The following DISC1 variants were observed in gnomAD, a reference collection of about 807,000 sequenced individuals.
The protein encoded by DISC1 is disrupted in schizophrenia 1 protein.
Under a neutral mutation model 84.5 loss-of-function variants are expected in DISC1, and 57 were observed. The ratio of observed to expected loss-of-function variants is 0.67; its 90% CI spans 0.55 to 0.84. The LOEUF (loss-of-function observed/expected upper bound fraction) is 0.84. Among genes scored for constraint, DISC1 ranks in the 40% least tolerant of loss-of-function variants. The probability of loss-of-function intolerance (pLI) is 0.00; values close to 1 mark genes in which losing one functional copy is unlikely to be tolerated. For missense variants in DISC1, 1,000 were observed against 1,057.8 expected, an observed-to-expected ratio of 0.95 and a Z score of 0.76; for synonymous variants, 411 against 415.2, an observed-to-expected ratio of 0.99 and a Z score of 0.12.
rs1050015387 is a variant in DISC1 at position 231,675,934 on chromosome 1, C to T, written c.68-17892C>T. Reference sequence around the variant, plus strand: ...TGTGATCTCGGGTCACTGCAACCTCCGCCTCCCGGGTTCAAGCAATTCTCC... The same window carrying T: ...TGTGATCTCGGGTCACTGCAACCTCTGCCTCCCGGGTTCAAGCAATTCTCC... On this transcript the variant is annotated intron_variant, in intron 1 of 12. Coordinates refer to ENST00000439617, the MANE Select transcript of DISC1 (RefSeq NM_018662.3). The surrounding 1 kb of genome is among the most constrained non-coding windows in gnomAD (Gnocchi z 4.1). Among the ~76,000 whole-genome samples, 44 of 151,732 alleles carry T rather than the reference C, an allele frequency of 2.9e-4. No homozygotes were observed. Among genetic ancestry groups the T allele is most frequent in the Admixed American group, 1.2e-3 (18 of 15,236 alleles).
intron 1 of DISC1, chr1:231,684,728 A>G (rs2064054627): frequency 1.3e-5 from 2 of 152,198 alleles, no homozygotes; most frequent in African/African-American, 4.8e-5. Flanking sequence ...GACTGTAGAC[A>G]ATTAAATAAA....
chr1:232,010,498 A>C lies in DISC1; in HGVS notation c.2307+1449A>C, dbSNP rs552314193. 3.3e-4 allele frequency among the ~76,000 whole-genome samples: 51 copies of C among 152,306 alleles called. 1 individual carries two copies. In the South Asian group the frequency reaches 0.01, roughly 31 times the overall value. ...GTCCCTGGGTCATTGATTCTGCTGG[A>C]GGCCAGGACTGATTCAGCAGAGATC... On this transcript the variant is annotated intron_variant, in intron 11 of 12. Transcript: ENST00000439617.
At position 231,832,542 on chromosome 1, in the gene DISC1, T is replaced by G. The variant is rs530763591; in HGVS notation, c.1981+14025T>G. 7.3e-3 allele frequency among the ~76,000 whole-genome samples: 1,107 copies of G among 151,880 alleles called. 7 individuals are homozygous for G. The highest frequency in any genetic ancestry group is 7.6e-3 in the Non-Finnish European group (514 of 67,944). ...AACAGATGAGGATGAAATTTGGACT[T>G]GACTGAAGTAATGGGGGCTGTCTGT... is the stretch of plus-strand genomic sequence containing the variant. On this transcript the variant is annotated intron_variant, in intron 9 of 12. Coordinates refer to ENST00000439617, the MANE Select transcript of DISC1 (RefSeq NM_018662.3).
At chr1:231,713,529 G>A (rs1266629105) in intron 3 of DISC1, among the ~76,000 whole-genome samples, 1 of 151,880 alleles carries the variant, frequency 6.6e-6, no homozygotes, top group African/African-American at 2.4e-5. Flanking sequence ...GAATTTACTA[G>A]AGGGTTAGAC....
intron 6 of DISC1, among the ~76,000 whole-genome samples, chr1:231,774,244 A>G (rs778630454): frequency 6.6e-6 from 1 of 152,028 alleles, no homozygotes; most frequent in Non-Finnish European, 1.5e-5. Context: ...ACAGAGCAAG[A>G]CCCTGACTCA....
chr1:231,942,776 G>C (rs2091425726), intron 9 of DISC1, among the ~76,000 whole-genome samples: 1 of 152,232 alleles, frequency 6.6e-6, no homozygotes, highest in Admixed American at 6.5e-5. Context: ...TGTACCAGCA[G>C]GGACACTCCC....
At chr1:231,677,198 T>C (rs1292959728) in intron 1 of DISC1, among the ~76,000 whole-genome samples, 1 of 152,260 alleles carries the variant, frequency 6.6e-6, no homozygotes, top group Non-Finnish European at 1.5e-5. Context: ...TCTGTTTTTC[T>C]ATTCGCCCAT....
intron 1 of DISC1, among the ~76,000 whole-genome samples, chr1:231,659,312 G>C (rs2061391912): frequency 6.6e-6 from 1 of 151,978 alleles, no homozygotes; most frequent in African/African-American, 2.4e-5. Flanking sequence ...TATTTCTGTG[G>C]GGTTAGTGGT....
chr1:231,626,967 C>G, intron 1 of DISC1, 33 bp downstream of exon 1: 2 of 1,435,836 alleles, frequency 1.4e-6, no homozygotes, highest in Non-Finnish European at 1.8e-6. Context: ...CTAGCACGTC[C>G]TGGGGGGGTC....
chr1:231,760,001 A>G (rs1479556526), intron 4 of DISC1, among the ~76,000 whole-genome samples: 1 of 152,198 alleles, frequency 6.6e-6, no homozygotes, highest in Non-Finnish European at 1.5e-5. Context: ...ACTCAACTGA[A>G]GTCTGTCCTG....
intron 9 of DISC1, among the ~76,000 whole-genome samples, chr1:231,849,366 C>T (rs1399251579): frequency 5.3e-5 from 8 of 152,164 alleles, no homozygotes; most frequent in South Asian, 4.2e-4. Flanking sequence ...GTGATCCATC[C>T]ACCTCGGCCT....
chr1:231,979,094 C>G (rs925571871), intron 10 of DISC1, among the ~76,000 whole-genome samples: 1 of 151,926 alleles, frequency 6.6e-6, no homozygotes, highest in Non-Finnish European at 1.5e-5. Context: ...CTGCACATGC[C>G]GGTGATCCAG....
At chr1:231,822,902 C>T (rs2081601837) in intron 9 of DISC1, among the ~76,000 whole-genome samples, 1 of 152,100 alleles carries the variant, frequency 6.6e-6, no homozygotes, top group Non-Finnish European at 1.5e-5. Flanking sequence ...CCAGCTCTCC[C>T]AGAAACTAAT....
chr1:232,004,375 T>C (rs1667072522), intron 10 of DISC1, among the ~76,000 whole-genome samples: 1 of 151,886 alleles, frequency 6.6e-6, no homozygotes, highest in Admixed American at 6.6e-5. Context: ...AAACACATAC[T>C]GAAAAGGAGA....
chr1:231,956,220 T>C (rs539682511), intron 9 of DISC1, among the ~76,000 whole-genome samples: 2 of 152,322 alleles, frequency 1.3e-5, no homozygotes, highest in South Asian at 2.1e-4. Flanking sequence ...CAGCTGTCCA[T>C]TTTTCATATG....
chr1:231,741,271 A>G (rs1025684322), intron 3 of DISC1, among the ~76,000 whole-genome samples: 9 of 152,246 alleles, frequency 5.9e-5, no homozygotes, highest in Admixed American at 5.2e-4. Flanking sequence ...GAAGGCCTGG[A>G]TGGGATAGTG....
intron 4 of DISC1, among the ~76,000 whole-genome samples, chr1:231,764,274 C>T (rs1462185754): frequency 6.6e-6 from 1 of 152,146 alleles, no homozygotes; most frequent in Non-Finnish European, 1.5e-5. Context: ...TCAAGAGCTA[C>T]AAGACTAATT....
At chr1:231,726,015 G>A (rs1303820444) in intron 3 of DISC1, among the ~76,000 whole-genome samples, 1 of 152,170 alleles carries the variant, frequency 6.6e-6, no homozygotes, top group Admixed American at 6.5e-5. Flanking sequence ...CTCCAGCCTT[G>A]CAGTCTCTTT....
intron 9 of DISC1, among the ~76,000 whole-genome samples, chr1:231,937,478 CA>C (rs2091049297): frequency 1.3e-5 from 2 of 152,218 alleles, no homozygotes; most frequent in Non-Finnish European, 2.9e-5. Context: ...ACAGAGCTTT[CA>C]TTTTATGCAA....
Sources: gnomAD v4.1 joint callset for allele counts (sites outside exome capture counted in the v4.1 genomes callset) on GRCh38, gnomAD v4.1.1 for gene constraint, Gnocchi (gnomAD v3.1) non-coding constraint, MANE v1.5 for transcripts, NCBI Gene and HGNC (gene_info 2026-07-23, HGNC 2026-07-21) for gene names.